TPST2: variants seen among roughly 807,000 people sequenced by gnomAD.
The protein encoded by TPST2 is tyrosylprotein sulfotransferase 2, also known as protein-tyrosine sulfotransferase 2.
Under a neutral mutation model 27.8 loss-of-function variants are expected in TPST2, and 16 were observed. The observed-to-expected ratio is 0.58, with a 90% CI of 0.39 to 0.88. TPST2 has a LOEUF of 0.88. TPST2 is among the 40% of genes least tolerant of loss of function. TPST2 has a pLI of 0.00. For synonymous variants in TPST2, 229 were observed against 231.7 expected (o/e 0.99, Z 0.10); for missense variants, 464 against 543.1 (o/e 0.85, Z 1.45).
chr22:26,572,347 C>A (rs557154613), intron 1 of TPST2, among the ~76,000 whole-genome samples: 2 of 152,154 alleles, frequency 1.3e-5, no homozygotes, highest in African/African-American at 4.8e-5. Flanking sequence ...ACCTGCAAAG[C>A]TGGCATGAGA....
At chr22:26,564,354 C>T (rs1927279711) in intron 1 of TPST2, among the ~76,000 whole-genome samples, 1 of 152,214 alleles carries the variant, frequency 6.6e-6, no homozygotes, top group Non-Finnish European at 1.5e-5. Context: ...GTGGGCTGGA[C>T]ATCTGTGAGC....
intron 1 of TPST2, among the ~76,000 whole-genome samples, chr22:26,578,922 G>T (rs2267098): frequency 0.16 from 23,384 of 150,718 alleles, 2,111 homozygotes; most frequent in East Asian, 0.31. Context: ...CGTGATCTTG[G>T]CTCACTGCAG....
At chr22:26,551,225 G>C (rs1177602855) in intron 1 of TPST2, among the ~76,000 whole-genome samples, 1 of 152,226 alleles carries the variant, frequency 6.6e-6, no homozygotes, top group Non-Finnish European at 1.5e-5. Context: ...GGCAGAGGTT[G>C]CAGTGAGCCA....
At position 26,584,759 on chromosome 22, in the gene TPST2, C is replaced by T. The variant is rs545856965; in HGVS notation, c.-161+5294G>A. On this transcript the variant is annotated intron_variant, in intron 1 of 6. Transcript: ENST00000338754. ...CACTTCCTAGCTGGGTGACCTTGTG[C>T]AAATTACTTCACCTCTCTGAGCCTC... Among the ~76,000 whole-genome samples the T allele has an allele frequency of 3.9e-5, 6 of 152,292 alleles. No individual in the cohort carries two copies. In the South Asian group the frequency reaches 1.2e-3, roughly 32 times the overall value.
chr22:26,552,602 C>T (rs190252813), intron 1 of TPST2, among the ~76,000 whole-genome samples: 1 of 152,178 alleles, frequency 6.6e-6, no homozygotes, highest in African/African-American at 2.4e-5. Flanking sequence ...GCTCTGTGGG[C>T]CACAAGAGCT....
intron 6 of TPST2, among the ~76,000 whole-genome samples, chr22:26,526,891 A>AAC (rs1483307810): frequency 6.6e-6 from 1 of 152,202 alleles, no homozygotes; most frequent in Non-Finnish European, 1.5e-5. Flanking sequence ...CAGCCTGGCC[A>AAC]ACATGGTGAA....
At chr22:26,574,168 G>C (rs1377451113) in intron 1 of TPST2, among the ~76,000 whole-genome samples, 3 of 152,134 alleles carry the variant, frequency 2.0e-5, no homozygotes, top group South Asian at 2.1e-4. Flanking sequence ...AATGCCATGG[G>C]GAGAGTCCCT....
intron 5 of TPST2, among the ~76,000 whole-genome samples, chr22:26,529,849 A>C (rs1028258822): frequency 6.6e-6 from 1 of 151,742 alleles, no homozygotes; most frequent in Non-Finnish European, 1.5e-5. Flanking sequence ...ATGGGGTCTC[A>C]CTGTGTTGGC....
intron 1 of TPST2, among the ~76,000 whole-genome samples, chr22:26,579,036 G>T (rs1249887092): frequency 6.6e-6 from 1 of 151,994 alleles, no homozygotes; most frequent in Non-Finnish European, 1.5e-5. Flanking sequence ...CTTTTTTGTA[G>T]AGACAGGGTT....
chr22:26,536,997 C>G (rs1925507512), intron 3 of TPST2, among the ~76,000 whole-genome samples: 2 of 152,024 alleles, frequency 1.3e-5, no homozygotes, highest in African/African-American at 4.8e-5. Flanking sequence ...AAGCAGTGAG[C>G]CTGAGCTGTG....
At chr22:26,560,935 C>A in intron 1 of TPST2, 2 of 1,609,264 alleles carry the variant, frequency 1.2e-6, no homozygotes, top group Non-Finnish European at 1.7e-6. Flanking sequence ...AATAACACTG[C>A]CGCAGATGAC....
At chr22:26,578,485 C>T (rs961827723) in intron 1 of TPST2, among the ~76,000 whole-genome samples, 6 of 152,146 alleles carry the variant, frequency 3.9e-5, no homozygotes, top group African/African-American at 1.4e-4. Flanking sequence ...AACCTCCGAC[C>T]CTGCAAACCT....
intron 4 of TPST2, among the ~76,000 whole-genome samples, chr22:26,534,482 AC>A (rs1925340866): frequency 6.6e-6 from 1 of 152,238 alleles, no homozygotes; most frequent in South Asian, 2.1e-4. Flanking sequence ...GATGTTAACC[AC>A]CAGTGCTCAT....
intron 1 of TPST2, among the ~76,000 whole-genome samples, chr22:26,576,055 T>C (rs981396871): frequency 4.6e-5 from 7 of 151,736 alleles, no homozygotes; most frequent in Non-Finnish European, 8.8e-5. Flanking sequence ...TAAAATAAAA[T>C]GAAGATGCAA....
intron 1 of TPST2, among the ~76,000 whole-genome samples, chr22:26,567,236 A>G (rs181102369): frequency 6.6e-6 from 1 of 152,368 alleles, no homozygotes; most frequent in Admixed American, 6.5e-5. Flanking sequence ...TCTTCCAGGA[A>G]GCTTTCCACA....
Position 26,541,253 on chromosome 22 carries a change from C to T in TPST2, c.378G>A (p.Ala126=), listed in dbSNP as rs149409754. Reference sequence around the variant, plus strand: ...CGTCCAGCACCTCATCCGTCACCCCCGCCTCATCCAGCCGCAGCTTCTCAC... The same window carrying T: ...CGTCCAGCACCTCATCCGTCACCCCTGCCTCATCCAGCCGCAGCTTCTCAC... ...SGREKLRLDE[A]GVTDEVLDAA... is the part of the protein sequence containing the mutation. Residue 126 remains alanine (A), a synonymous_variant, in exon 3 of 7, where the codon GCG becomes GCA. Transcript: ENST00000338754. The surrounding 1 kb of genome is among the most constrained non-coding windows in gnomAD (Gnocchi z 5.9). 338 of 1,541,936 alleles carry T rather than the reference C, an allele frequency of 2.2e-4. No individual in the cohort carries two copies. The highest frequency in any genetic ancestry group is 2.8e-4 in the Non-Finnish European group (323 of 1,142,644).
chr22:26,540,186 GC>G (rs1196944074), intron 3 of TPST2, among the ~76,000 whole-genome samples: 2 of 152,206 alleles, frequency 1.3e-5, no homozygotes, highest in Non-Finnish European at 2.9e-5. Context: ...GAGTCGCTTT[GC>G]CCAGGGTCAC....
intron 1 of TPST2, among the ~76,000 whole-genome samples, chr22:26,548,549 A>G (rs78758799): frequency 7.1e-6 from 1 of 140,518 alleles, no homozygotes; most frequent in Admixed American, 7.0e-5. Context: ...GAGAAAGAAA[A>G]AAGAGAAAGA....
At chr22:26,589,590 C>T (rs1031598062) in intron 1 of TPST2, among the ~76,000 whole-genome samples, 5 of 152,238 alleles carry the variant, frequency 3.3e-5, no homozygotes, top group African/African-American at 1.2e-4. Context: ...GCCCCCAACG[C>T]CTCCACTTCT....
Sources: allele counts gnomAD v4.1 joint callset (sites outside exome capture counted in the v4.1 genomes callset), GRCh38; gene constraint gnomAD v4.1.1; non-coding constraint Gnocchi (gnomAD v3.1); transcripts MANE v1.5; gene names NCBI Gene and HGNC (gene_info 2026-07-23, HGNC 2026-07-21).